The following MTX2 variants were observed in gnomAD, a reference collection of about 807,000 sequenced individuals.
The protein encoded by MTX2 is metaxin 2.
In MTX2, 35 loss-of-function variants were observed where a neutral mutation model predicts 42.3. That is an observed-to-expected ratio of 0.83 (90% confidence interval 0.63 to 1.10). The LOEUF (loss-of-function observed/expected upper bound fraction) is 1.10, where lower values mean the gene tolerates loss of function less well. Among genes scored for constraint, MTX2 ranks in the 50% least tolerant of loss-of-function variants. MTX2 has a pLI of 0.00. For missense variants in MTX2, 307 were observed against 304.1 expected, an observed-to-expected ratio of 1.01 and a Z score of -0.07; for synonymous variants, 119 against 100.9, an observed-to-expected ratio of 1.18 and a Z score of -1.08.
intron 1 of MTX2, among the ~76,000 whole-genome samples, chr2:176,287,318 A>T (rs1024356144): frequency 1.3e-5 from 2 of 152,210 alleles, no homozygotes; most frequent in Non-Finnish European, 2.9e-5. Flanking sequence ...CTGAAGTAAG[A>T]TGTATGTATA....
chr2:176,333,744 T>TA (rs1684915274), intron 9 of MTX2, among the ~76,000 whole-genome samples: 1 of 151,736 alleles, frequency 6.6e-6, no homozygotes, highest in African/African-American at 2.4e-5. Context: ...TGTGTTTAGA[T>TA]ATGTTTAAAT....
At position 176,333,018 on chromosome 2, in the gene MTX2, GT is replaced by G. The variant is rs1267832455; in HGVS notation, c.620+2363del. 2.0e-5 allele frequency among the ~76,000 whole-genome samples: 3 copies of G among 151,334 alleles called. No homozygotes were observed. In the East Asian group the frequency reaches 5.8e-4, roughly 29 times the overall value. ...TGTTATGAAAACGTTGAATTTTACTGTTTTTGTTTTGATATTCAAATGAAAA... is the reference window on the plus strand; with the variant it reads ...TGTTATGAAAACGTTGAATTTTACTGTTTTGTTTTGATATTCAAATGAAAA... On this transcript the variant is annotated intron_variant, in intron 9 of 9. Coordinates refer to ENST00000249442, the MANE Select transcript of MTX2 (RefSeq NM_006554.5).
intron 3 of MTX2, among the ~76,000 whole-genome samples, chr2:176,311,864 G>T (rs928736738): frequency 6.6e-6 from 1 of 152,206 alleles, no homozygotes; most frequent in Non-Finnish European, 1.5e-5. Context: ...TCCTGGGTGA[G>T]GCAGTGCCCC....
At chr2:176,330,942 A>G (rs768819414) in intron 9 of MTX2, among the ~76,000 whole-genome samples, 24 of 151,004 alleles carry the variant, frequency 1.6e-4, no homozygotes, top group African/African-American at 3.1e-4. Flanking sequence ...GGTGCTATAC[A>G]TGGAACTACA....
Position 176,269,613 on chromosome 2 carries a change from C to T in MTX2, c.-17C>T. On this transcript the variant is annotated 5_prime_UTR_variant, in exon 1 of 10. Coordinates refer to ENST00000249442, the MANE Select transcript of MTX2 (RefSeq NM_006554.5). Reference sequence around the variant, plus strand: ...CCGTGGGGGGCAGGCACCCGGGCGCCGGGCCTCCCAGCCGACATGTCTCTA... The same window carrying T: ...CCGTGGGGGGCAGGCACCCGGGCGCTGGGCCTCCCAGCCGACATGTCTCTA... 1.3e-6 allele frequency: 2 copies of T among 1,578,518 alleles called. No homozygotes were observed. The highest frequency in any genetic ancestry group is 1.7e-6 in the Non-Finnish European group (2 of 1,166,786).
intron 3 of MTX2, among the ~76,000 whole-genome samples, chr2:176,320,208 A>G (rs1344061180): frequency 6.6e-6 from 1 of 152,094 alleles, no homozygotes; most frequent in African/African-American, 2.4e-5. Context: ...AGATTGTGCC[A>G]CTGCACTCCA....
chr2:176,312,558 C>G (rs575478192), intron 3 of MTX2, among the ~76,000 whole-genome samples: 2 of 152,172 alleles, frequency 1.3e-5, no homozygotes, highest in South Asian at 2.1e-4. Flanking sequence ...CATATATTCA[C>G]TATTCTTTTG....
rs150442491 is a variant in MTX2 at position 176,310,546 on chromosome 2, G to C, written c.135+12651G>C. Among the ~76,000 whole-genome samples the C allele has an allele frequency of 3.7e-3, 558 of 152,284 alleles. 5 individuals are homozygous for C. The highest frequency in any genetic ancestry group is 0.036 in the East Asian group (184 of 5,180). ...CTTTCAGATACACCAATCCAATGTA[G>C]ATTTGGTCTTTTCACATAGTCCTAT... On this transcript the variant is annotated intron_variant, in intron 3 of 9. Coordinates refer to ENST00000249442, the MANE Select transcript of MTX2 (RefSeq NM_006554.5).
intron 3 of MTX2, among the ~76,000 whole-genome samples, chr2:176,311,919 C>G (rs997769813): frequency 2.0e-5 from 3 of 152,208 alleles, no homozygotes; most frequent in Non-Finnish European, 2.9e-5. Context: ...CACTGCCCAT[C>G]CAGTCCCAGT....
At chr2:176,273,043 C>T (rs1369891863) in intron 1 of MTX2, among the ~76,000 whole-genome samples, 4 of 152,178 alleles carry the variant, frequency 2.6e-5, no homozygotes, top group Non-Finnish European at 4.4e-5. Context: ...GTATCTGATG[C>T]GAGCCTTTGT....
Position 176,337,757 on chromosome 2 carries a change from T to C in MTX2, c.*93T>C. The C allele has an allele frequency of 8.3e-7, 1 of 1,207,216 alleles. No homozygotes were observed. The highest frequency in any genetic ancestry group is 1.1e-6 in the Non-Finnish European group (1 of 878,184). 74.8% of individuals were successfully genotyped at this position (1,207,216 alleles called of 1,614,324 possible). ...TGGTGTCAGAATTTTAAAACCAAAT[T>C]ACTGCTTTTTGAAACCTCAAATTAT... On this transcript the variant is annotated 3_prime_UTR_variant, in exon 10 of 10. Coordinates refer to ENST00000249442, the MANE Select transcript of MTX2 (RefSeq NM_006554.5).
At chr2:176,325,955 C>CA (rs1270126796) in intron 4 of MTX2, among the ~76,000 whole-genome samples, 1 of 150,462 alleles carries the variant, frequency 6.6e-6, no homozygotes, top group Non-Finnish European at 1.5e-5. Flanking sequence ...CCATTACCCC[C>CA]AGGCTGACGG....
chr2:176,307,687 T>C (rs907890710), intron 3 of MTX2, among the ~76,000 whole-genome samples: 1 of 152,204 alleles, frequency 6.6e-6, no homozygotes, highest in Non-Finnish European at 1.5e-5. Context: ...AGTTCACTCA[T>C]GATTTGGCTC....
In MTX2 at chr2:176,312,881, A is replaced by G. The variant is rs980900249; in HGVS notation, c.136-10511A>G. On this transcript the variant is annotated intron_variant, in intron 3 of 9. Coordinates refer to ENST00000249442, the MANE Select transcript of MTX2 (RefSeq NM_006554.5). ...GCCATCTCAAAAAAAAAAAAAAAAA[A>G]AAAGAAAGAAAGAAAAGTACTTTTG... is the stretch of plus-strand genomic sequence containing the variant. Among the ~76,000 whole-genome samples the G allele has an allele frequency of 1.3e-3, 193 of 151,312 alleles. No individual in the cohort carries two copies. The East Asian group carries it at 0.013, about 10-fold the overall frequency.
Position 176,330,663 on chromosome 2 carries a change from A to C in MTX2, c.620+3A>C. ...CAACCGTATTTCTTCAATAAGCAGT[A>C]AGAAATTTTACTTTTTTAAAGTTAA... On this transcript the variant is annotated splice_donor_region_variant and intron_variant, in intron 9 of 9. Coordinates refer to ENST00000249442, the MANE Select transcript of MTX2 (RefSeq NM_006554.5). 6.3e-7 allele frequency: 1 copy of C among 1,584,838 alleles called. No individual in the cohort carries two copies. Among genetic ancestry groups the C allele is most frequent in the Non-Finnish European group, 8.6e-7 (1 of 1,161,854 alleles).
chr2:176,323,992 A>G lies in MTX2; in HGVS notation c.208+528A>G, dbSNP rs114397151. ...AGGTTTTGAGATGCTTTAGCTTCCT[A>G]TTTTTTAAAATCAGTATTATCTTTA... is the stretch of plus-strand genomic sequence containing the variant. On this transcript the variant is annotated intron_variant, in intron 4 of 9. Coordinates refer to ENST00000249442, the MANE Select transcript of MTX2 (RefSeq NM_006554.5). Among the ~76,000 whole-genome samples, 436 of 151,666 alleles carry G rather than the reference A, an allele frequency of 2.9e-3. 1 individual carries two copies. The highest frequency in any genetic ancestry group is 9.8e-3 in the African/African-American group (408 of 41,514).
chr2:176,279,262 A>G lies in MTX2; in HGVS notation c.40+9593A>G, dbSNP rs141148446. 3.2e-3 allele frequency among the ~76,000 whole-genome samples: 482 copies of G among 152,280 alleles called. 2 individuals carry two copies. The highest frequency in any genetic ancestry group is 0.011 in the African/African-American group (453 of 41,582). On this transcript the variant is annotated intron_variant, in intron 1 of 9. Transcript: ENST00000249442. ...GGATACAGTATCTTTGAGTATTACA[A>G]TGGTATTTACCCCCACATCATATTT...
At chr2:176,336,967 G>A (rs1030991770) in intron 9 of MTX2, among the ~76,000 whole-genome samples, 2 of 152,064 alleles carry the variant, frequency 1.3e-5, no homozygotes, top group Non-Finnish European at 2.9e-5. Flanking sequence ...AATTGCTTAC[G>A]TAAACTTAAT....
Position 176,289,193 on chromosome 2 carries a change from A to AT in MTX2, c.41-7660dup, listed in dbSNP as rs541436928. 1.5e-3 allele frequency among the ~76,000 whole-genome samples: 225 copies of AT among 152,068 alleles called. 2 individuals are homozygous for AT. The highest frequency in any genetic ancestry group is 8.2e-3 in the Admixed American group (125 of 15,274). ...TAAAATGAATGAGAAGCAAATACTTATTTTTTTGGGTCACGGGTGTTGCTT... is the reference window on the plus strand; with the variant it reads ...TAAAATGAATGAGAAGCAAATACTTATTTTTTTTGGGTCACGGGTGTTGCTT... On this transcript the variant is annotated intron_variant, in intron 1 of 9. Coordinates refer to ENST00000249442, the MANE Select transcript of MTX2 (RefSeq NM_006554.5).
Sources: gnomAD v4.1 joint callset for allele counts (sites outside exome capture counted in the v4.1 genomes callset) on GRCh38, gnomAD v4.1.1 for gene constraint, MANE v1.5 for transcripts, NCBI Gene and HGNC (gene_info 2026-07-23, HGNC 2026-07-21) for gene names.